CTDSPL: variants seen among roughly 807,000 people sequenced by gnomAD.
CTDSPL encodes the protein CTD small phosphatase like.
Under a neutral mutation model 30.5 loss-of-function variants are expected in CTDSPL, and 8 were observed. The observed-to-expected ratio is 0.26, with a 90% confidence interval of 0.15 to 0.47. The LOEUF (loss-of-function observed/expected upper bound fraction) is 0.47, where lower values mean the gene tolerates loss of function less well. Ranked by LOEUF, CTDSPL falls within the 20% of genes least tolerant of loss-of-function variation. CTDSPL has a pLI of 0.99. For missense variants in CTDSPL, 248 were observed against 366.1 expected (o/e 0.68, Z 2.63); for synonymous variants, 110 against 137.9 (o/e 0.80, Z 1.42).
intron 1 of CTDSPL, among the ~76,000 whole-genome samples, chr3:37,877,190 G>A (rs1407234737): frequency 6.6e-6 from 1 of 151,798 alleles, no homozygotes; most frequent in African/African-American, 2.4e-5. Flanking sequence ...TTGCTGTGCA[G>A]CTATCACCAC....
intron 2 of CTDSPL, among the ~76,000 whole-genome samples, chr3:37,953,228 A>G (rs914802302): frequency 2.0e-5 from 3 of 152,166 alleles, no homozygotes; most frequent in Non-Finnish European, 4.4e-5. Flanking sequence ...ACATGTGACT[A>G]GTAGCTACCA....
intron 1 of CTDSPL, among the ~76,000 whole-genome samples, chr3:37,893,862 A>AT (rs976230368): frequency 1.9e-4 from 29 of 152,136 alleles, no homozygotes; most frequent in African/African-American, 3.4e-4. Flanking sequence ...TGTTTTGTTG[A>AT]TTTTTCCCCC....
At chr3:37,951,243 C>T (rs1021896794) in intron 2 of CTDSPL, among the ~76,000 whole-genome samples, 2 of 152,116 alleles carry the variant, frequency 1.3e-5, no homozygotes, top group Admixed American at 1.3e-4. Flanking sequence ...TGGCGGGCAC[C>T]TGTAGTCCCA....
intron 2 of CTDSPL, among the ~76,000 whole-genome samples, chr3:37,948,461 C>T (rs1175972717): frequency 1.3e-5 from 2 of 152,156 alleles, no homozygotes; most frequent in Non-Finnish European, 2.9e-5. Context: ...TTTGAGGACA[C>T]AAAAGTCATA....
At chr3:37,866,932 A>T (rs1222538903) in intron 1 of CTDSPL, among the ~76,000 whole-genome samples, 2 of 152,240 alleles carry the variant, frequency 1.3e-5, no homozygotes, top group Non-Finnish European at 2.9e-5. Flanking sequence ...ATTTACATGC[A>T]GTTTTAAGAA....
At chr3:37,961,184 A>C (rs981667015) in intron 3 of CTDSPL, among the ~76,000 whole-genome samples, 1 of 152,180 alleles carries the variant, frequency 6.6e-6, no homozygotes, top group Admixed American at 6.5e-5. Context: ...TTATTGAGTA[A>C]TCATGTTTTG....
intron 1 of CTDSPL, among the ~76,000 whole-genome samples, chr3:37,932,851 A>G (rs1698870412): frequency 6.6e-6 from 1 of 152,192 alleles, no homozygotes. Context: ...TCTGACATGG[A>G]CATAAAGATT....
At chr3:37,866,750 T>C (rs1185514385) in intron 1 of CTDSPL, among the ~76,000 whole-genome samples, 1 of 152,214 alleles carries the variant, frequency 6.6e-6, no homozygotes, top group East Asian at 1.9e-4. Context: ...TTCCTTTAAA[T>C]GTTTGTAATA....
intron 1 of CTDSPL, 132 bp from the exon 2 acceptor site, chr3:37,946,925 C>T (rs564678213): frequency 5.6e-6 from 5 of 890,052 alleles, no homozygotes; most frequent in Admixed American, 3.0e-5. Context: ...CCCTCATCTT[C>T]TCCTGCTGAG....
chr3:37,977,239 T>C (rs1699438838), intron 7 of CTDSPL, among the ~76,000 whole-genome samples: 1 of 152,238 alleles, frequency 6.6e-6, no homozygotes, highest in East Asian at 1.9e-4. Flanking sequence ...AACAGTTTCT[T>C]ACATTGTCTA....
At chr3:37,943,327 A>G (rs1267630856) in intron 1 of CTDSPL, among the ~76,000 whole-genome samples, 1 of 150,004 alleles carries the variant, frequency 6.7e-6, no homozygotes, top group African/African-American at 2.4e-5. Flanking sequence ...GAAGAGCAGG[A>G]TGCTCTGAGA....
At chr3:37,877,560 A>G (rs1698149868) in intron 1 of CTDSPL, among the ~76,000 whole-genome samples, 1 of 152,334 alleles carries the variant, frequency 6.6e-6, no homozygotes, top group East Asian at 1.9e-4. Context: ...TCATATGAAC[A>G]CAGGTGTTTG....
chr3:37,973,666 A>G (rs1297751762), intron 6 of CTDSPL, among the ~76,000 whole-genome samples: 3 of 152,228 alleles, frequency 2.0e-5, no homozygotes, highest in Admixed American at 2.0e-4. Context: ...CAGGAACCTC[A>G]AGCTGACTGT....
intron 3 of CTDSPL, among the ~76,000 whole-genome samples, chr3:37,959,357 C>T (rs964442602): frequency 6.6e-6 from 1 of 152,214 alleles, no homozygotes; most frequent in African/African-American, 2.4e-5. Flanking sequence ...GGAATACATA[C>T]ATACACACGT....
chr3:37,929,703 A>G (rs746933299), intron 1 of CTDSPL, among the ~76,000 whole-genome samples: 7 of 152,284 alleles, frequency 4.6e-5, no homozygotes, highest in Middle Eastern at 3.4e-3. Context: ...GGGTTTCTAC[A>G]TATAAGATCA....
At chr3:37,893,505 A>G (rs924717911) in intron 1 of CTDSPL, among the ~76,000 whole-genome samples, 17 of 152,188 alleles carry the variant, frequency 1.1e-4, no homozygotes, top group East Asian at 5.8e-4. Context: ...TATTGACTCA[A>G]TCTCAACCTT....
At chr3:37,904,088 G>C (rs1575290709) in intron 1 of CTDSPL, among the ~76,000 whole-genome samples, 1 of 152,220 alleles carries the variant, frequency 6.6e-6, no homozygotes, top group Non-Finnish European at 1.5e-5. Flanking sequence ...ATAGTAAATC[G>C]TAACATGAAG....
intron 1 of CTDSPL, among the ~76,000 whole-genome samples, chr3:37,886,005 C>A (rs1018973054): frequency 6.6e-6 from 1 of 152,130 alleles, no homozygotes; most frequent in African/African-American, 2.4e-5. Context: ...ATGTTCCTCC[C>A]CTCCATTTCC....
In CTDSPL at chr3:37,892,775, G is replaced by T. The variant is rs572939007; in HGVS notation, c.79+30497G>T. Among the ~76,000 whole-genome samples the T allele has an allele frequency of 1.5e-3, 227 of 152,194 alleles. 1 individual carries two copies. The highest frequency in any genetic ancestry group is 2.0e-3 in the Non-Finnish European group (138 of 67,988). ...TGGGAGGGTCAATCCTTACAGAAGT[G>T]GGGGGGATAGTATAAGAAAGCTGGA... On this transcript the variant is annotated intron_variant, in intron 1 of 7. Transcript: ENST00000273179.
Sources: gnomAD v4.1 joint callset for allele counts (sites outside exome capture counted in the v4.1 genomes callset) on GRCh38, gnomAD v4.1.1 for gene constraint, MANE v1.5 for transcripts, NCBI Gene and HGNC (gene_info 2026-07-23, HGNC 2026-07-21) for gene names.